Variants in SYNE2 observed in about 807,000 individuals in gnomAD.
The protein encoded by SYNE2 is nesprin-2.
A neutral mutation model predicts 856.3 loss-of-function variants in SYNE2; 431 were observed. That is an observed-to-expected ratio of 0.50 (90% CI 0.47 to 0.55). The LOEUF (loss-of-function observed/expected upper bound fraction) is 0.55, where lower values mean the gene tolerates loss of function less well. Ranked by LOEUF, SYNE2 falls within the 20% of genes least tolerant of loss-of-function variation. The pLI is 0.00. For missense variants in SYNE2, 8,129 were observed against 8,023.2 expected (o/e 1.01, Z -0.50); for synonymous variants, 2,923 against 2,872.3 (o/e 1.02, Z -0.56).
Position 64,078,429 on chromosome 14 carries a change from C to T in SYNE2, c.11023-37C>T. ...GAACCTATGAATAAAGTGCAGACAA[C>T]CTCTCTAAGCCAAATGCGTCTTTGT... On this transcript the variant is annotated intron_variant, in intron 54 of 115. Transcript: ENST00000555002. 1.9e-6 allele frequency: 3 copies of T among 1,611,330 alleles called. No individual in the cohort carries two copies. In the South Asian group the frequency reaches 3.3e-5, roughly 18 times the overall value.
At chr14:64,127,900 A>G (rs958574164) in intron 73 of SYNE2, among the ~76,000 whole-genome samples, 1 of 152,120 alleles carries the variant, frequency 6.6e-6, no homozygotes, top group Non-Finnish European at 1.5e-5. Flanking sequence ...CAAATGACCC[A>G]TTTTTTCACA....
intron 96 of SYNE2, among the ~76,000 whole-genome samples, chr14:64,183,120 G>C (rs538269453): frequency 6.6e-6 from 1 of 151,742 alleles, no homozygotes; most frequent in African/African-American, 2.4e-5. Context: ...CTTCTCGGAC[G>C]GGGCGGCTGC....
At chr14:63,810,044 A>T (rs1452665039) in intron 1 of SYNE2, among the ~76,000 whole-genome samples, 1 of 152,130 alleles carries the variant, frequency 6.6e-6, no homozygotes, top group East Asian at 1.9e-4. Flanking sequence ...CAACTTAGCC[A>T]GACACTGTCT....
chr14:64,197,987 A>G (rs2098547191), intron 99 of SYNE2, among the ~76,000 whole-genome samples: 1 of 152,214 alleles, frequency 6.6e-6, no homozygotes, highest in Non-Finnish European at 1.5e-5. Context: ...CATAGAAAAC[A>G]TTTTGCTTTT....
chr14:64,167,715 C>T lies in SYNE2; in HGVS notation c.16905+76C>T, dbSNP rs527414706. On this transcript the variant is annotated intron_variant, in intron 92 of 115. Coordinates refer to ENST00000555002, the MANE Select transcript of SYNE2 (RefSeq NM_182914.3). ...CAGGGAAAGATAGCTTTAAATAAAA[C>T]ACAGGGAGTGTACCTATCAGTCCCT... The T allele has an allele frequency of 3.8e-5, 61 of 1,596,546 alleles. No individual in the cohort carries two copies. In the East Asian group the frequency reaches 1.3e-3, roughly 35 times the overall value.
chr14:64,170,844 G>C (rs1431119610), intron 94 of SYNE2, among the ~76,000 whole-genome samples: 2 of 151,902 alleles, frequency 1.3e-5, no homozygotes, highest in African/African-American at 4.8e-5. Context: ...ACTCTTGAAG[G>C]GCAAATTCAA....
chr14:63,788,146 C>T (rs1364176934), intron 1 of SYNE2, among the ~76,000 whole-genome samples: 1 of 152,192 alleles, frequency 6.6e-6, no homozygotes, highest in East Asian at 1.9e-4. Context: ...CTGCTCATCC[C>T]CAATCCCTGC....
rs2096992305 is a variant in SYNE2 at position 64,027,768 on chromosome 14, A to G, written c.6689A>G (p.His2230Arg). ...EEPWLEIKHL[H>R]ESLLQQLQDS... The stretch of plus-strand genomic sequence containing the variant: ...CCTTGGCTGGAAATAAAGCATCTAC[A>G]CGAAAGTCTTCTTCAACAACTGCAG... The change falls in exon 43 of 116, where the codon CAC becomes CGC. Residue 2230 changes from histidine to arginine, a missense_variant. His to Arg is a conservative substitution (Grantham distance 29). Around this residue, in one of 3 missense-constraint regions of SYNE2, gnomAD observed 297 missense variants for 380.9 expected, o/e 0.78. Transcript: ENST00000555002. The G allele has an allele frequency of 6.2e-7, 1 of 1,614,054 alleles. No individual in the cohort carries two copies.
intron 63 of SYNE2, 117 bp downstream of exon 63, chr14:64,098,938 T>A (rs1567291988): frequency 9.7e-7 from 1 of 1,033,468 alleles, no homozygotes; most frequent in Non-Finnish European, 1.5e-6. Context: ...TGTTGATATT[T>A]TAAAAGTATG....
chr14:63,954,680 T>C, intron 7 of SYNE2, 39 bp from the exon 8 acceptor site: 1 of 1,592,558 alleles, frequency 6.3e-7, no homozygotes, highest in Non-Finnish European at 8.6e-7. Context: ...TTACGTTCTT[T>C]TTAATGGTAT....
At chr14:63,941,840 T>C (rs767303281) in intron 4 of SYNE2, 45 bp from the exon 5 acceptor site, 48 of 1,609,652 alleles carry the variant, frequency 3.0e-5, no homozygotes, top group East Asian at 4.5e-5. Flanking sequence ...TTAAAAAATA[T>C]GTATTTCATT....
chr14:63,822,792 G>A (rs1000026702), intron 1 of SYNE2, among the ~76,000 whole-genome samples: 1 of 152,156 alleles, frequency 6.6e-6, no homozygotes, highest in Non-Finnish European at 1.5e-5. Flanking sequence ...AATTTATAAC[G>A]GTAGACACCT....
chr14:63,962,639 T>C (rs1159458611), intron 9 of SYNE2, among the ~76,000 whole-genome samples: 1 of 152,212 alleles, frequency 6.6e-6, no homozygotes, highest in Admixed American at 6.5e-5. Context: ...CCTCACAGGC[T>C]TAAATGATTC....
At chr14:64,013,322 AAT>A (rs1491184649) in intron 32 of SYNE2, among the ~76,000 whole-genome samples, 1 of 67,978 alleles carries the variant, frequency 1.5e-5, no homozygotes, top group African/African-American at 4.6e-5. Context: ...TTCCTCATTA[AAT>A]TTTTTTTTTT....
intron 1 of SYNE2, among the ~76,000 whole-genome samples, chr14:63,806,439 T>G (rs1888364283): frequency 6.6e-6 from 1 of 152,192 alleles, no homozygotes; most frequent in Non-Finnish European, 1.5e-5. Context: ...TTTTCTTTTT[T>G]TGCTGTGTCT....
chr14:64,114,537 C>G (rs1319104558), intron 66 of SYNE2, among the ~76,000 whole-genome samples: 1 of 152,146 alleles, frequency 6.6e-6, no homozygotes, highest in East Asian at 1.9e-4. Context: ...CTATGTAAGC[C>G]CATAGTCTTA....
Position 64,225,793 on chromosome 14 carries a change from G to C in SYNE2, c.*267G>C. The stretch of plus-strand genomic sequence containing the variant: ...AGTTTAGGGATCTCTGGAAATGTCA[G>C]TTTCCTGAAGAGCCAAGCACTTTGT... On this transcript the variant is annotated 3_prime_UTR_variant, in exon 116 of 116. Transcript: ENST00000555002. 1.7e-6 allele frequency: 1 copy of C among 594,542 alleles called. No homozygotes were observed. Among genetic ancestry groups the C allele is most frequent in the Non-Finnish European group, 3.0e-6 (1 of 333,200 alleles). The allele number at this position is 594,542 out of a possible 1,614,324, so 36.8% of individuals were successfully genotyped here.
chr14:64,173,079 A>C (rs946383503), intron 94 of SYNE2, among the ~76,000 whole-genome samples: 5 of 152,142 alleles, frequency 3.3e-5, no homozygotes, highest in African/African-American at 4.8e-5. Flanking sequence ...AAAAACAATC[A>C]TTCTCCTTGG....
intron 94 of SYNE2, 64 bp downstream of exon 94, chr14:64,170,526 C>G: frequency 1.4e-6 from 2 of 1,472,902 alleles, no homozygotes. Context: ...GATGTTCATT[C>G]ACCTTTGGTT....
Sources: gnomAD v4.1 joint callset for allele counts (sites outside exome capture counted in the v4.1 genomes callset) on GRCh38, gnomAD v4.1.1 for gene constraint, gnomAD v4.1.1 regional missense constraint, MANE v1.5 for transcripts, NCBI Gene and HGNC (gene_info 2026-07-23, HGNC 2026-07-21) for gene names.